COL5A3: variants seen among roughly 807,000 people sequenced by gnomAD.
The protein encoded by COL5A3 is collagen type V alpha 3 chain.
Under a neutral mutation model 250.0 loss-of-function variants are expected in COL5A3, and 172 were observed. That is an observed-to-expected ratio of 0.69 (90% CI 0.61 to 0.78). The LOEUF is 0.78. Among genes scored for constraint, COL5A3 ranks in the 30% least tolerant of loss-of-function variants. The pLI is 0.00. For synonymous variants in COL5A3, 937 were observed against 900.4 expected, an observed-to-expected ratio of 1.04 and a Z score of -0.73; for missense variants, 2,340 against 2,334.4, an observed-to-expected ratio of 1.00 and a Z score of -0.05.
intron 19 of COL5A3, 139 bp downstream of exon 19, chr19:9,993,241 C>T (rs2087221022): frequency 8.9e-7 from 1 of 1,127,200 alleles, no homozygotes; most frequent in Non-Finnish European, 1.3e-6. Context: ...CCTAGACCTG[C>T]AAGTCTCACC....
At position 9,985,890 on chromosome 19, in the gene COL5A3, C is replaced by T. The variant is rs201909267; in HGVS notation, c.2358G>A (p.Lys786=). The part of the protein sequence containing the change: ...GPPGSAGEKG[K]LGVPGLPGYP... The stretch of plus-strand genomic sequence containing the variant: ...AACCTGGGAGGCCTGGCACCCCAAG[C>T]TTGCCCTGCAGAAAGGTTATGGGAC... Residue 786 remains lysine, a synonymous_variant, in exon 31 of 67, where the codon AAG becomes AAA. Transcript: ENST00000264828. 9.7e-4 allele frequency: 1,565 copies of T among 1,614,040 alleles called. 8 individuals are homozygous for T. The highest frequency in any genetic ancestry group is 1.4e-3 in the East Asian group (62 of 44,878).
In COL5A3 at chr19:9,969,556, C is replaced by T. The variant is rs200969885; in HGVS notation, c.4098+19G>A. The T allele has an allele frequency of 5.0e-5, 80 of 1,609,536 alleles. No homozygotes were observed. In the African/African-American group the frequency reaches 6.1e-4, roughly 12 times the overall value. On this transcript the variant is annotated intron_variant, in intron 56 of 66. Transcript: ENST00000264828. ...GGAGCTGGATCCACCCTGTCCCACC[C>T]CTGCCCCGCTCCACTCACCACAGGG...
chr19:9,996,240 C>G lies in COL5A3; in HGVS notation c.1445G>C (p.Gly482Ala). 1 of 1,576,148 alleles carries G rather than the reference C, an allele frequency of 6.3e-7. No individual in the cohort carries two copies. The highest frequency in any genetic ancestry group is 8.6e-7 in the Non-Finnish European group (1 of 1,163,466). The change falls in exon 14 of 67, where the codon GGT becomes GCT. Residue 482 changes from glycine (G) to alanine (A), a missense_variant. Physicochemically the swap from Gly to Ala is moderately conservative, Grantham distance 60. Transcript: ENST00000264828. Reference protein sequence around the residue: ...QTQLSMKGPPGPVGLTGRPGP... With the variant: ...QTQLSMKGPPAPVGLTGRPGP... ...TGGGCGCCCAGTGAGCCCCACTGGA[C>G]CAGGGGGGCCTTTCATAGAGAGCTG... is the stretch of plus-strand genomic sequence containing the variant.
In COL5A3 at chr19:9,979,402, T is replaced by A. The variant is rs775683871; in HGVS notation, c.2728A>T (p.Thr910Ser). The A allele has an allele frequency of 6.2e-7, 1 of 1,614,096 alleles. No homozygotes were observed. Among genetic ancestry groups the A allele is most frequent in the Non-Finnish European group, 8.5e-7 (1 of 1,180,002 alleles). Residue 910 changes from threonine to serine, a missense_variant, in exon 38 of 67, where the codon ACA (threonine) becomes TCA (serine). By Grantham distance (58) the Thr-to-Ser change is moderately conservative. Around this residue, in one of 3 missense-constraint regions of COL5A3, gnomAD observed 1,179 missense variants for 1,162.6 expected, o/e 1.01. Transcript: ENST00000264828. The part of the protein sequence containing the change: ...QRGELGFQGQ[T>S]GPPGPAGVLG... ...ACACCAGCTGGTCCAGGCGGGCCTG[T>A]CTGACCTTGGAAGCCCTAGAGAGAA...
intron 1 of COL5A3, among the ~76,000 whole-genome samples, chr19:10,007,586 C>T (rs1462455866): frequency 2.0e-5 from 3 of 152,130 alleles, no homozygotes; most frequent in African/African-American, 7.2e-5. Flanking sequence ...CCTCAGCAAA[C>T]TGTCCCACTG....
At chr19:9,993,556 GTTGGGGGGGC>G in intron 18 of COL5A3, 53 bp downstream of exon 18, 2 of 1,592,702 alleles carry the variant, frequency 1.3e-6, no homozygotes. Flanking sequence ...TGAGGGAGAA[GTTGGGGGGGC>G]TTGAATATTG....
At chr19:9,999,469 C>CTTTTTTTTTTTTTTTTTT (rs530527039) in intron 8 of COL5A3, among the ~76,000 whole-genome samples, 8 of 120,400 alleles carry the variant, frequency 6.6e-5, no homozygotes, top group African/African-American at 1.4e-4. Context: ...TTTCTTTTTT[C>CTTTTTTTTTTTTTTTTTT]TTTTTTTTTT....
chr19:9,974,022 A>T lies in COL5A3; in HGVS notation c.3505-50T>A, dbSNP rs1360351934. The T allele has an allele frequency of 3.3e-6, 5 of 1,523,316 alleles. No individual in the cohort carries two copies. In the African/African-American group the frequency reaches 6.9e-5, roughly 21 times the overall value. 94.4% of individuals were successfully genotyped at this position (1,523,316 alleles called of 1,614,324 possible). On this transcript the variant is annotated intron_variant, in intron 47 of 66. Transcript: ENST00000264828. Reference sequence around the variant, plus strand: ...CAGTGACCCCAGGCCCCTCTCCCCAAAAGGCCACATTGACCACAGATACCA... The same window carrying T: ...CAGTGACCCCAGGCCCCTCTCCCCATAAGGCCACATTGACCACAGATACCA...
At chr19:9,997,075 A>G (rs988848052) in intron 11 of COL5A3, 3 of 553,110 alleles carry the variant, frequency 5.4e-6, no homozygotes, top group Non-Finnish European at 6.4e-6. Context: ...GACAGAGACC[A>G]ACAGAGAGAG....
At position 9,998,153 on chromosome 19, in the gene COL5A3, G is replaced by C. The variant is rs780305528; in HGVS notation, c.1111-4C>G. On this transcript the variant is annotated splice_polypyrimidine_tract_variant and splice_region_variant and intron_variant, in intron 8 of 66. Transcript: ENST00000264828. The stretch of plus-strand genomic sequence containing the variant: ...TTGCTCCTTTCTCTCCAGCACCCTG[G>C]GGTGGGGTCAGGGGAGATGGAGAGA... 1 of 1,612,946 alleles carries C rather than the reference G, an allele frequency of 6.2e-7. No homozygotes were observed. The highest frequency in any genetic ancestry group is 8.5e-7 in the Non-Finnish European group (1 of 1,179,536).
At chr19:10,003,746 A>G (rs766242805) in intron 5 of COL5A3, 32 bp from the exon 6 acceptor site, 3 of 1,612,714 alleles carry the variant, frequency 1.9e-6, no homozygotes, top group Non-Finnish European at 1.7e-6. Context: ...GGTCTAGAGC[A>G]TCCCACCAGC....
In COL5A3 at chr19:9,998,896, G is replaced by A. The variant is rs545248192; in HGVS notation, c.1111-747C>T. On this transcript the variant is annotated intron_variant, in intron 8 of 66. Transcript: ENST00000264828. The stretch of plus-strand genomic sequence containing the variant: ...GACCAGGTTTCACCATGTTGGTTAG[G>A]CTGGTCTCGAACTCCTGACTTAGGT... 2.6e-4 allele frequency among the ~76,000 whole-genome samples: 39 copies of A among 151,998 alleles called. No homozygotes were observed. In the South Asian group the frequency reaches 7.9e-3, roughly 31 times the overall value.
At position 9,973,918 on chromosome 19, in the gene COL5A3, C is replaced by T. The variant is rs1412922825; in HGVS notation, c.3558+1G>A. 1 of 1,573,602 alleles carries T rather than the reference C, an allele frequency of 6.4e-7. No individual in the cohort carries two copies. Among genetic ancestry groups the T allele is most frequent in the East Asian group, 2.3e-5 (1 of 44,374 alleles). ...CTTCCTGGCCCCCCAAGAGTTCTCA[C>T]CTCTGATCCAGTGGGGCCTTGGGGA... is the stretch of plus-strand genomic sequence containing the variant. On this transcript the variant is annotated splice_donor_variant, in intron 48 of 66. Transcript: ENST00000264828. LOFTEE classifies it high-confidence loss of function.
intron 24 of COL5A3, 116 bp from the exon 25 acceptor site, chr19:9,989,638 GC>G: frequency 1.1e-6 from 1 of 938,264 alleles, no homozygotes; most frequent in Non-Finnish European, 1.6e-6. Context: ...GACCTCACTG[GC>G]CAGGAAATCT....
intron 8 of COL5A3, 82 bp from the exon 9 acceptor site, chr19:9,998,231 TGC>T: frequency 3.2e-6 from 4 of 1,231,650 alleles, no homozygotes; most frequent in Non-Finnish European, 4.5e-6. Flanking sequence ...CACACACACT[TGC>T]ACACACACAC....
At chr19:9,971,674 C>T (rs1187465489) in intron 51 of COL5A3, among the ~76,000 whole-genome samples, 1 of 152,166 alleles carries the variant, frequency 6.6e-6, no homozygotes, top group Admixed American at 6.5e-5. Flanking sequence ...CCCTTCCTGA[C>T]CTCCACCCGC....
At position 9,981,626 on chromosome 19, in the gene COL5A3, A is replaced by G. The variant is rs573890538; in HGVS notation, c.2460+439T>C. Among the ~76,000 whole-genome samples, 3 of 152,352 alleles carry G rather than the reference A, an allele frequency of 2.0e-5. No homozygotes were observed. The East Asian group carries it at 5.8e-4, about 29-fold the overall frequency. On this transcript the variant is annotated intron_variant, in intron 32 of 66. Transcript: ENST00000264828. Reference sequence around the variant, plus strand: ...TCATTAACACTGTTACAATACACACATAGCAACACAAATACAATACATGCA... The same window carrying G: ...TCATTAACACTGTTACAATACACACGTAGCAACACAAATACAATACATGCA...
At chr19:9,978,306 C>T (rs1245113193) in intron 41 of COL5A3, among the ~76,000 whole-genome samples, 1 of 151,674 alleles carries the variant, frequency 6.6e-6, no homozygotes, top group Non-Finnish European at 1.5e-5. Flanking sequence ...TCATTGCAAC[C>T]TCCACCTCCC....
chr19:9,989,194 G>T lies in COL5A3; in HGVS notation c.2092-17C>A. 6.2e-7 allele frequency: 1 copy of T among 1,614,108 alleles called. No individual in the cohort carries two copies. The highest frequency in any genetic ancestry group is 1.1e-5 in the South Asian group (1 of 91,074). The stretch of plus-strand genomic sequence containing the variant: ...TGGTGGACCCTGGGAGGAAAATAAG[G>T]TCAGTGCCATTCTAGACAGTCCCTT... On this transcript the variant is annotated splice_polypyrimidine_tract_variant and intron_variant, in intron 26 of 66. Transcript: ENST00000264828.
Sources: gnomAD v4.1 joint callset for allele counts (sites outside exome capture counted in the v4.1 genomes callset) on GRCh38, gnomAD v4.1.1 for gene constraint, gnomAD v4.1.1 regional missense constraint, MANE v1.5 for transcripts, NCBI Gene and HGNC (gene_info 2026-07-23, HGNC 2026-07-21) for gene names.